The following RBFOX1 variants were observed in gnomAD, a reference collection of about 807,000 sequenced individuals.
RBFOX1 encodes the protein RNA binding protein fox-1 homolog 1.
In RBFOX1, 8 loss-of-function variants were observed where a neutral mutation model predicts 57.7. That is an observed-to-expected ratio of 0.14 (90% CI 0.08 to 0.25). The LOEUF (loss-of-function observed/expected upper bound fraction) is 0.25, where lower values mean the gene tolerates loss of function less well. Ranked by LOEUF, RBFOX1 falls within the 10% of genes least tolerant of loss-of-function variation. The pLI is 1.00. For synonymous variants in RBFOX1, 326 were observed against 222.4 expected (o/e 1.47, Z -4.15); for missense variants, 611 against 548.5 (o/e 1.11, Z -1.14).
intron 1 of RBFOX1, among the ~76,000 whole-genome samples, chr16:5,423,765 T>C (rs1398568592): frequency 1.3e-5 from 2 of 152,222 alleles, no homozygotes; most frequent in Non-Finnish European, 2.9e-5. Context: ...TGGCTCTTTT[T>C]ATAAATCATC....
chr16:7,223,154 G>A (rs897395939), intron 4 of RBFOX1, among the ~76,000 whole-genome samples: 7 of 152,224 alleles, frequency 4.6e-5, no homozygotes, highest in East Asian at 3.9e-4. Flanking sequence ...GGGCTGAAGC[G>A]AAGGGTTGAC....
chr16:7,488,221 C>G (rs534608253), intron 4 of RBFOX1, among the ~76,000 whole-genome samples: 7 of 152,302 alleles, frequency 4.6e-5, no homozygotes, highest in Admixed American at 2.6e-4. Flanking sequence ...GGGGCTTCAG[C>G]TCCCTCCACA....
In RBFOX1 at chr16:5,908,068, A is replaced by ATGTGTGTGTG. The variant is rs527468172; in HGVS notation, c.351+40736_351+40737insGTGTGTGTGT. On this transcript the variant is annotated intron_variant, in intron 4 of 19. Coordinates refer to the RBFOX1 transcript ENST00000641259. ...ACCTGGTAGATGTATGTATGTGTGT[A>ATGTGTGTGTG]TGTATATATATATATATACACATAT... is the stretch of plus-strand genomic sequence containing the variant. Among the ~76,000 whole-genome samples the ATGTGTGTGTG allele has an allele frequency of 2.1e-3, 222 of 106,530 alleles. 5 individuals carry two copies. Among genetic ancestry groups the ATGTGTGTGTG allele is most frequent in the African/African-American group, 9.2e-3 (208 of 22,714 alleles). 69.9% of individuals were successfully genotyped at this position (106,530 alleles called of 152,430 possible). A position where few individuals can be genotyped will look rare whatever the true frequency, so the allele number is the denominator to read the frequency against.
intron 1 of RBFOX1, chr16:5,366,081 C>A: frequency 4.2e-6 from 2 of 471,116 alleles, no homozygotes; most frequent in Admixed American, 4.4e-5. Context: ...AATCATACCA[C>A]CAGTGCTCTT....
chr16:5,286,023 G>C lies in RBFOX1; in HGVS notation c.219+45918G>C, dbSNP rs554486676. Reference sequence around the variant, plus strand: ...CTCACCTCGTGATCTGCCCACATCGGCCTCCCAAAGTGCTGGGATTACTGG... The same window carrying C: ...CTCACCTCGTGATCTGCCCACATCGCCCTCCCAAAGTGCTGGGATTACTGG... On this transcript the variant is annotated intron_variant, in intron 1 of 2. Transcript: ENST00000585867. Among the ~76,000 whole-genome samples the C allele has an allele frequency of 6.6e-5, 10 of 152,196 alleles. 1 individual carries two copies. The South Asian group carries it at 1.9e-3, about 28-fold the overall frequency.
At chr16:6,878,949 G>A (rs1279489403) in intron 3 of RBFOX1, among the ~76,000 whole-genome samples, 1 of 152,072 alleles carries the variant, frequency 6.6e-6, no homozygotes, top group Non-Finnish European at 1.5e-5. Flanking sequence ...GTTAGGGGAG[G>A]AAATTAAAAC....
At chr16:7,378,057 C>T (rs1009400344) in intron 4 of RBFOX1, among the ~76,000 whole-genome samples, 3 of 152,118 alleles carry the variant, frequency 2.0e-5, no homozygotes, top group Admixed American at 1.3e-4. Flanking sequence ...AAAGAGACTC[C>T]GGTGGCTAGA....
At chr16:6,892,519 A>C (rs1347911367) in intron 3 of RBFOX1, among the ~76,000 whole-genome samples, 1 of 152,074 alleles carries the variant, frequency 6.6e-6, no homozygotes, top group African/African-American at 2.4e-5. Flanking sequence ...AAAATACAAA[A>C]ATTAGCTGCG....
At chr16:7,292,475 G>A in intron 4 of RBFOX1, among the ~76,000 whole-genome samples, 1 of 133,692 alleles carries the variant, frequency 7.5e-6, no homozygotes, top group Middle Eastern at 3.9e-3. Context: ...AATATATAAT[G>A]TATTATATAA....
chr16:7,390,817 A>C (rs1343264593), intron 4 of RBFOX1, among the ~76,000 whole-genome samples: 2 of 152,188 alleles, frequency 1.3e-5, no homozygotes, highest in Non-Finnish European at 2.9e-5. Context: ...TGCTTAAGGG[A>C]GGACAGATTC....
At chr16:6,026,266 T>C (rs189226394) in intron 1 of RBFOX1, among the ~76,000 whole-genome samples, 1 of 152,374 alleles carries the variant, frequency 6.6e-6, no homozygotes, top group African/African-American at 2.4e-5. Flanking sequence ...CTCCTTAGCA[T>C]CTAGCGTGGT....
chr16:6,810,426 G>A (rs778224762), intron 3 of RBFOX1, among the ~76,000 whole-genome samples: 2 of 152,106 alleles, frequency 1.3e-5, no homozygotes, highest in Non-Finnish European at 2.9e-5. Flanking sequence ...TTTCCTGGGA[G>A]AAGGATGACT....
chr16:5,261,512 A>G (rs1379654019), intron 1 of RBFOX1, among the ~76,000 whole-genome samples: 3 of 149,774 alleles, frequency 2.0e-5, no homozygotes, highest in Non-Finnish European at 4.4e-5. Context: ...CTTAGAAATT[A>G]TAGGCACCCA....
Position 6,454,891 on chromosome 16 carries a change from T to G in RBFOX1, c.-64+137834T>G, listed in dbSNP as rs1346061079. 2.7e-5 allele frequency among the ~76,000 whole-genome samples: 4 copies of G among 147,234 alleles called. 1 individual carries two copies. The highest frequency in any genetic ancestry group is 1.0e-4 in the African/African-American group (4 of 39,654). ...TTTTTTTTTTTTTTTTTTTTTTTTT[T>G]TTTTTTTTTTGAGTTGGCGTCTCGC... On this transcript the variant is annotated intron_variant, in intron 2 of 15. Transcript: ENST00000550418.
At chr16:5,742,936 A>G (rs1389214039) in intron 3 of RBFOX1, among the ~76,000 whole-genome samples, 2 of 152,206 alleles carry the variant, frequency 1.3e-5, no homozygotes, top group African/African-American at 2.4e-5. Context: ...CATGGTGTGT[A>G]TCACAGCAGG....
chr16:5,737,996 T>C (rs1286741622), intron 3 of RBFOX1, among the ~76,000 whole-genome samples: 1 of 151,988 alleles, frequency 6.6e-6, no homozygotes, highest in African/African-American at 2.4e-5. Context: ...GCTAATGTTA[T>C]CCCTCCCCTT....
chr16:7,003,458 T>TA (rs71147633), intron 3 of RBFOX1, among the ~76,000 whole-genome samples: 65,348 of 143,444 alleles, frequency 0.46, 15,546 homozygotes, highest in East Asian at 0.79. Context: ...GACTCCATCT[T>TA]AAAAAAAAAA....
intron 4 of RBFOX1, among the ~76,000 whole-genome samples, chr16:7,237,470 T>G (rs1003110193): frequency 6.6e-6 from 1 of 152,246 alleles, no homozygotes; most frequent in Non-Finnish European, 1.5e-5. Context: ...GTAACTCATT[T>G]ACATATGTAA....
chr16:6,768,554 T>A (rs28396640), intron 3 of RBFOX1, among the ~76,000 whole-genome samples: 17,433 of 151,692 alleles, frequency 0.11, 1,210 homozygotes, highest in African/African-American at 0.19. Flanking sequence ...TATTTAGAGA[T>A]AGTGGGTATG....
Sources: gnomAD v4.1 joint callset for allele counts (sites outside exome capture counted in the v4.1 genomes callset) on GRCh38, gnomAD v4.1.1 for gene constraint, MANE v1.5 for transcripts, NCBI Gene and HGNC (gene_info 2026-07-23, HGNC 2026-07-21) for gene names.